Variants in VPS8 observed in about 807,000 individuals in gnomAD.
The protein encoded by VPS8 is vacuolar protein sorting-associated protein 8 homolog.
Under a neutral mutation model 216.4 loss-of-function variants are expected in VPS8, and 129 were observed. The observed-to-expected ratio is 0.60, with a 90% CI of 0.52 to 0.69. The LOEUF is 0.69. VPS8 is among the 30% of genes least tolerant of loss of function. The pLI is 0.00. For missense variants in VPS8, 1,531 were observed against 1,683.5 expected (o/e 0.91, Z 1.59); for synonymous variants, 571 against 565.4 (o/e 1.01, Z -0.14).
chr3:184,949,135 A>G (rs748214428), intron 36 of VPS8, among the ~76,000 whole-genome samples: 5 of 152,062 alleles, frequency 3.3e-5, no homozygotes, highest in African/African-American at 4.8e-5. Flanking sequence ...GTGAAACTCT[A>G]TCTCTATAAA....
At chr3:184,833,632 C>T (rs1355970478) in intron 4 of VPS8, among the ~76,000 whole-genome samples, 3 of 152,148 alleles carry the variant, frequency 2.0e-5, no homozygotes, top group Non-Finnish European at 4.4e-5. Flanking sequence ...GTCTGGGCCA[C>T]GCTTACTGTT....
chr3:184,933,649 T>A (rs2109264470), intron 34 of VPS8, among the ~76,000 whole-genome samples: 1 of 152,244 alleles, frequency 6.6e-6, no homozygotes, highest in South Asian at 2.1e-4. Flanking sequence ...GAAAGTAATT[T>A]TTGTGCATAG....
rs1578100386 is a variant in VPS8, at chr3:184,890,274, T to G, written c.1781+4118T>G. 2.0e-5 allele frequency among the ~76,000 whole-genome samples: 3 copies of G among 152,336 alleles called. No homozygotes were observed. In the East Asian group the frequency reaches 5.8e-4, roughly 29 times the overall value. The stretch of plus-strand genomic sequence containing the variant: ...ATTGCTTTAAGGAATGCTCAGATTT[T>G]GCATAATACAAACACAGTCTTACAA... On this transcript the variant is annotated intron_variant, in intron 22 of 47. Coordinates refer to ENST00000625842, the MANE Select transcript of VPS8 (RefSeq NM_001009921.3).
intron 45 of VPS8, among the ~76,000 whole-genome samples, chr3:185,011,195 G>A (rs950099341): frequency 6.6e-6 from 1 of 151,460 alleles, no homozygotes; most frequent in Non-Finnish European, 1.5e-5. Context: ...TGACCTTTTT[G>A]CTAATAATTA....
chr3:184,843,339 C>A, intron 8 of VPS8, 94 bp downstream of exon 8: 2 of 947,386 alleles, frequency 2.1e-6, no homozygotes, highest in Non-Finnish European at 1.4e-6. Flanking sequence ...TGTCCTCTTA[C>A]GAAATGCTTA....
At chr3:184,950,216 C>T (rs1226970815) in intron 36 of VPS8, among the ~76,000 whole-genome samples, 51 of 39,912 alleles carry the variant, frequency 1.3e-3, no homozygotes, top group Admixed American at 2.6e-3. Flanking sequence ...CAGTTTTCTG[C>T]TTTTTTTTTT....
chr3:184,844,379 C>T (rs1722720323), intron 8 of VPS8, among the ~76,000 whole-genome samples: 1 of 151,806 alleles, frequency 6.6e-6, no homozygotes, highest in African/African-American at 2.4e-5. Flanking sequence ...CGAGATCGTG[C>T]CACTGCACTC....
chr3:184,892,552 T>G (rs895668235), intron 22 of VPS8, among the ~76,000 whole-genome samples: 21 of 152,206 alleles, frequency 1.4e-4, no homozygotes, highest in African/African-American at 5.1e-4. Context: ...CCCTCTTTCC[T>G]GATGCACTAA....
chr3:184,845,178 A>G (rs1355840845), intron 8 of VPS8, among the ~76,000 whole-genome samples: 1 of 152,208 alleles, frequency 6.6e-6, no homozygotes, highest in African/African-American at 2.4e-5. Context: ...CATGAAATCA[A>G]GAGTAACCTG....
intron 28 of VPS8, 87 bp from the exon 29 acceptor site, chr3:184,920,040 G>T: frequency 3.1e-6 from 3 of 961,024 alleles, no homozygotes; most frequent in Non-Finnish European, 4.6e-6. Context: ...GAAATTACTT[G>T]GATTTTATTA....
At chr3:184,829,959 C>T (rs1172602917) in intron 3 of VPS8, among the ~76,000 whole-genome samples, 1 of 151,802 alleles carries the variant, frequency 6.6e-6, no homozygotes, top group African/African-American at 2.4e-5. Flanking sequence ...CTGTACATTA[C>T]CTTTTCACTC....
chr3:185,048,485 T>C lies in VPS8; in HGVS notation c.4063T>C (p.Ser1355Pro). 1 of 1,614,022 alleles carries C rather than the reference T, an allele frequency of 6.2e-7. No homozygotes were observed. Among genetic ancestry groups the C allele is most frequent in the South Asian group, 1.1e-5 (1 of 91,072 alleles). Residue 1355 changes from serine (S) to proline (P), a missense_variant, in exon 47 of 48, where the codon TCA becomes CCA. Around this residue, in one of 3 missense-constraint regions of VPS8, gnomAD observed 1,318 missense variants for 1,468.4 expected, o/e 0.90. Coordinates refer to ENST00000625842, the MANE Select transcript of VPS8 (RefSeq NM_001009921.3). ...ATCGGTTTTTATTTTTCAGGGAACC[T>C]CAGAACCTGTTCTGGATCCACAGCA... ...KGDPTAKKGT[S>P]EPVLDPQQIQ...
At chr3:184,856,491 T>TG (rs1388695562) in intron 14 of VPS8, among the ~76,000 whole-genome samples, 2 of 152,210 alleles carry the variant, frequency 1.3e-5, no homozygotes, top group Non-Finnish European at 2.9e-5. Context: ...AATAATCTCT[T>TG]GCGTTTCCTA....
chr3:184,873,835 A>G (rs1276928934), intron 21 of VPS8, among the ~76,000 whole-genome samples: 1 of 152,182 alleles, frequency 6.6e-6, no homozygotes, highest in Non-Finnish European at 1.5e-5. Flanking sequence ...ATCTGGGCCA[A>G]CATGAATAAT....
chr3:184,828,693 A>G (rs989312731), intron 3 of VPS8, among the ~76,000 whole-genome samples: 19 of 152,170 alleles, frequency 1.2e-4, no homozygotes, highest in African/African-American at 4.6e-4. Context: ...TCCTAGGTTT[A>G]CTTCAATCCT....
chr3:184,886,233 T>G, intron 22 of VPS8, 77 bp downstream of exon 22: 1 of 1,336,826 alleles, frequency 7.5e-7, no homozygotes, highest in East Asian at 2.5e-5. Context: ...TGCTAAGAAT[T>G]CTATGAATTT....
At chr3:184,922,769 T>C (rs1048799365) in intron 29 of VPS8, among the ~76,000 whole-genome samples, 3 of 145,544 alleles carry the variant, frequency 2.1e-5, no homozygotes, top group African/African-American at 7.8e-5. Context: ...GTGGATGTTA[T>C]CATGTGTGCT....
At chr3:185,002,764 G>T (rs933766804) in intron 45 of VPS8, among the ~76,000 whole-genome samples, 1 of 152,162 alleles carries the variant, frequency 6.6e-6, no homozygotes, top group Non-Finnish European at 1.5e-5. Flanking sequence ...CATCCAGATT[G>T]TGCAAATGCC....
intron 40 of VPS8, 144 bp downstream of exon 40, chr3:184,971,896 G>A (rs1430199162): frequency 1.6e-6 from 1 of 617,780 alleles, no homozygotes; most frequent in Admixed American, 3.1e-5. Context: ...CCAACATGGA[G>A]AAATCCCATC....
Sources: allele counts gnomAD v4.1 joint callset (sites outside exome capture counted in the v4.1 genomes callset), GRCh38; gene constraint gnomAD v4.1.1; regional missense constraint gnomAD v4.1.1; transcripts MANE v1.5; gene names NCBI Gene and HGNC (gene_info 2026-07-23, HGNC 2026-07-21).